The following MEGF11 variants were observed in gnomAD, a reference collection of about 807,000 sequenced individuals.
The protein encoded by MEGF11 is multiple EGF like domains 11, also known as multiple epidermal growth factor-like domains protein 11.
A neutral mutation model predicts 146.6 loss-of-function variants in MEGF11; 126 were observed. The ratio of observed to expected loss-of-function variants is 0.86; its 90% CI spans 0.74 to 1.00. The LOEUF is 1.00. Among genes scored for constraint, MEGF11 ranks in the 50% least tolerant of loss-of-function variants. The probability of loss-of-function intolerance (pLI) is 0.00; values close to 1 mark genes in which losing one functional copy is unlikely to be tolerated. For synonymous variants in MEGF11, 532 were observed against 583.4 expected, an observed-to-expected ratio of 0.91 and a Z score of 1.27; for missense variants, 1,509 against 1,521.2, an observed-to-expected ratio of 0.99 and a Z score of 0.13.
chr15:66,158,994 C>T (rs1243648835), intron 1 of MEGF11, among the ~76,000 whole-genome samples: 1 of 152,206 alleles, frequency 6.6e-6, no homozygotes, highest in African/African-American at 2.4e-5. Context: ...CTGTTGTTTA[C>T]ACCTATGTCT....
intron 23 of MEGF11, among the ~76,000 whole-genome samples, chr15:65,906,949 C>T (rs928467886): frequency 1.3e-5 from 2 of 152,174 alleles, no homozygotes; most frequent in Non-Finnish European, 2.9e-5. Flanking sequence ...AGGGACTAAG[C>T]TTGGGTTCTT....
At chr15:65,910,783 T>C (rs1467622953) in intron 21 of MEGF11, among the ~76,000 whole-genome samples, 5 of 152,186 alleles carry the variant, frequency 3.3e-5, no homozygotes, top group African/African-American at 1.2e-4. Flanking sequence ...CCTAGATCTC[T>C]AGGGCATAGC....
intron 5 of MEGF11, among the ~76,000 whole-genome samples, chr15:65,985,781 A>G (rs968284439): frequency 1.3e-5 from 2 of 151,990 alleles, no homozygotes; most frequent in Non-Finnish European, 2.9e-5. Context: ...AGGGGCAGAA[A>G]TGCTGGAGCA....
intron 1 of MEGF11, among the ~76,000 whole-genome samples, chr15:66,163,197 C>T (rs747459681): frequency 6.6e-6 from 1 of 152,150 alleles, no homozygotes; most frequent in Non-Finnish European, 1.5e-5. Context: ...TGGGCTCGCT[C>T]CATCCTGCTT....
intron 10 of MEGF11, among the ~76,000 whole-genome samples, chr15:65,949,625 G>A (rs2080321190): frequency 6.6e-6 from 1 of 152,226 alleles, no homozygotes; most frequent in South Asian, 2.1e-4. Flanking sequence ...CCATCACAGT[G>A]GAGCTGAAAG....
chr15:66,229,697 C>T (rs1020158082), intron 1 of MEGF11, among the ~76,000 whole-genome samples: 1 of 152,038 alleles, frequency 6.6e-6, no homozygotes, highest in Admixed American at 6.6e-5. Flanking sequence ...AGAGGAATGG[C>T]AAGGCTCCCA....
intron 1 of MEGF11, among the ~76,000 whole-genome samples, chr15:66,197,589 A>AT: frequency 6.6e-6 from 1 of 151,978 alleles, no homozygotes; most frequent in Non-Finnish European, 1.5e-5. Flanking sequence ...TGCCCGGCTA[A>AT]TTTTTTGTAT....
chr15:66,081,665 G>A (rs937407299), intron 5 of MEGF11, among the ~76,000 whole-genome samples: 10 of 152,136 alleles, frequency 6.6e-5, no homozygotes, highest in Admixed American at 3.3e-4. Context: ...AGGTATGAGC[G>A]ACTGCGCCTG....
chr15:66,155,267 C>G (rs371460369), intron 1 of MEGF11, among the ~76,000 whole-genome samples: 4 of 152,180 alleles, frequency 2.6e-5, no homozygotes, highest in Admixed American at 6.5e-5. Context: ...CCCCACCCCC[C>G]GCTATGGGGT....
chr15:66,049,075 G>A (rs1488049674), intron 5 of MEGF11, among the ~76,000 whole-genome samples: 1 of 152,186 alleles, frequency 6.6e-6, no homozygotes, highest in African/African-American at 2.4e-5. Flanking sequence ...GGCAGCCACA[G>A]TGCCCAAATT....
chr15:65,898,479 A>G (rs2078407603), intron 25 of MEGF11: 1 of 985,206 alleles, frequency 1.0e-6, no homozygotes, highest in South Asian at 4.7e-5. Flanking sequence ...GCATGTGCCC[A>G]TTTCCCACCC....
At chr15:66,127,343 C>T (rs1352586054) in intron 2 of MEGF11, among the ~76,000 whole-genome samples, 1 of 152,226 alleles carries the variant, frequency 6.6e-6, no homozygotes, top group African/African-American at 2.4e-5. Context: ...CAAGTGCAGG[C>T]ACTGTCCCTC....
chr15:66,240,839 G>T (rs1483763889), intron 1 of MEGF11, among the ~76,000 whole-genome samples: 2 of 152,152 alleles, frequency 1.3e-5, no homozygotes, highest in Non-Finnish European at 2.9e-5. Context: ...AAGCTTTTTG[G>T]GTACAGCCCT....
chr15:65,944,386 G>GGA (rs1284484335), intron 10 of MEGF11, among the ~76,000 whole-genome samples: 1 of 152,220 alleles, frequency 6.6e-6, no homozygotes, highest in Non-Finnish European at 1.5e-5. Context: ...TGAGGGGGAT[G>GGA]GAGAGCAAGG....
intron 4 of MEGF11, among the ~76,000 whole-genome samples, chr15:66,098,271 CTCAGA>C (rs2086636789): frequency 6.6e-6 from 1 of 152,148 alleles, no homozygotes; most frequent in Non-Finnish European, 1.5e-5. Context: ...AATCAAGCTG[CTCAGA>C]TAACACTGGC....
intron 14 of MEGF11, 64 bp from the exon 15 acceptor site, chr15:65,922,536 C>A (rs1292342764): frequency 6.7e-7 from 1 of 1,483,300 alleles, no homozygotes; most frequent in Non-Finnish European, 8.9e-7. Context: ...AGCTACCCTT[C>A]CTGTTCCACA....
intron 13 of MEGF11, among the ~76,000 whole-genome samples, chr15:65,924,451 G>A (rs1193785193): frequency 1.3e-5 from 2 of 151,884 alleles, no homozygotes; most frequent in African/African-American, 2.4e-5. Flanking sequence ...CCATTGACAG[G>A]GGTCTCTCCC....
chr15:66,198,779 C>T (rs1487097271), intron 1 of MEGF11, among the ~76,000 whole-genome samples: 1 of 152,160 alleles, frequency 6.6e-6, no homozygotes, highest in Non-Finnish European at 1.5e-5. Flanking sequence ...CCACCGAGCC[C>T]AGCCTCCTTT....
chr15:66,141,233 GGTGTGTGTGTGT>G (rs572801225), intron 1 of MEGF11, among the ~76,000 whole-genome samples: 1,403 of 97,244 alleles, frequency 0.014, 26 homozygotes, highest in African/African-American at 0.024. Context: ...CAGACTCAGG[GGTGTGTGTGTGT>G]GTGTGTGTGT....
Sources: allele counts gnomAD v4.1 joint callset (sites outside exome capture counted in the v4.1 genomes callset), GRCh38; gene constraint gnomAD v4.1.1; transcripts MANE v1.5; gene names NCBI Gene and HGNC (gene_info 2026-07-23, HGNC 2026-07-21).